The following SLCO1B1 variants were observed in gnomAD, a reference collection of about 807,000 sequenced individuals.
SLCO1B1 encodes the protein solute carrier organic anion transporter family member 1B1.
Under a neutral mutation model 70.1 loss-of-function variants are expected in SLCO1B1, and 81 were observed. The observed-to-expected ratio is 1.16, with a 90% CI of 0.97 to 1.39. The LOEUF (loss-of-function observed/expected upper bound fraction) is 1.39, where lower values mean the gene tolerates loss of function less well. Among genes scored for constraint, SLCO1B1 ranks in the 40% most tolerant of loss-of-function variants. The pLI is 0.00. For synonymous variants in SLCO1B1, 283 were observed against 271.5 expected (o/e 1.04, Z -0.42); for missense variants, 895 against 799.6 (o/e 1.12, Z -1.44).
rs1288383635 is a variant in SLCO1B1, at chr12:21,141,556, T to C, written c.-19T>C. On this transcript the variant is annotated 5_prime_UTR_variant, in exon 2 of 15. It removes an upstream start codon present in the reference 5' UTR. Transcript: ENST00000256958. ...AGCATCAACAACAAAAACATTTGTATGATATCTATATTTCAATCATGGACC... is the reference window on the plus strand; with the variant it reads ...AGCATCAACAACAAAAACATTTGTACGATATCTATATTTCAATCATGGACC... The C allele has an allele frequency of 7.3e-6, 11 of 1,513,904 alleles. No individual in the cohort carries two copies. The highest frequency in any genetic ancestry group is 1.0e-5 in the Non-Finnish European group (11 of 1,090,696). 93.8% of individuals were successfully genotyped at this position (1,513,904 alleles called of 1,614,324 possible).
intron 2 of SLCO1B1, among the ~76,000 whole-genome samples, chr12:21,160,625 C>T (rs1356987949): frequency 6.6e-6 from 1 of 152,092 alleles, no homozygotes; most frequent in Admixed American, 6.5e-5. Flanking sequence ...TGACAAATGA[C>T]ACCGAAAGCA....
chr12:21,228,357 G>A (rs1230708540), intron 14 of SLCO1B1, among the ~76,000 whole-genome samples: 2 of 152,138 alleles, frequency 1.3e-5, no homozygotes, highest in African/African-American at 4.8e-5. Flanking sequence ...TTGTCAGATT[G>A]AAGATATTAC....
chr12:21,183,142 A>T (rs1591812254), intron 7 of SLCO1B1, among the ~76,000 whole-genome samples: 1 of 152,228 alleles, frequency 6.6e-6, no homozygotes, highest in Admixed American at 6.5e-5. Flanking sequence ...GTAACAGCTT[A>T]TCTGCCAGCC....
intron 2 of SLCO1B1, among the ~76,000 whole-genome samples, chr12:21,161,449 A>G (rs1271096780): frequency 6.6e-6 from 1 of 152,162 alleles, no homozygotes; most frequent in African/African-American, 2.4e-5. Context: ...TATAAGTGGG[A>G]GCTAAATGAT....
chr12:21,208,420 T>C (rs192201226), intron 11 of SLCO1B1, among the ~76,000 whole-genome samples: 43 of 152,248 alleles, frequency 2.8e-4, no homozygotes, highest in Admixed American at 4.6e-4. Flanking sequence ...GCTAACTTCA[T>C]TGAAGATCAG....
At chr12:21,229,807 G>T (rs190805889) in intron 14 of SLCO1B1, among the ~76,000 whole-genome samples, 1 of 152,076 alleles carries the variant, frequency 6.6e-6, no homozygotes, top group Non-Finnish European at 1.5e-5. Context: ...ATGTCATATT[G>T]CAAACAAAGA....
At chr12:21,227,638 ATGACT>A (rs1941495220) in intron 14 of SLCO1B1, among the ~76,000 whole-genome samples, 3 of 152,164 alleles carry the variant, frequency 2.0e-5, no homozygotes, top group Non-Finnish European at 4.4e-5. Flanking sequence ...ATTTATCTTA[ATGACT>A]TTATTTAAGA....
chr12:21,236,837 T>C (rs902956647), intron 14 of SLCO1B1, among the ~76,000 whole-genome samples: 1 of 152,210 alleles, frequency 6.6e-6, no homozygotes, highest in African/African-American at 2.4e-5. Context: ...TGGTCAGCCA[T>C]CTTGAAAAGA....
At chr12:21,135,517 C>T (rs561787808) in intron 1 of SLCO1B1, among the ~76,000 whole-genome samples, 22 of 152,158 alleles carry the variant, frequency 1.4e-4, no homozygotes, top group African/African-American at 5.1e-4. Context: ...TCTGGGTGCT[C>T]CTGTATTGGG....
chr12:21,238,235 C>G (rs987124938), intron 14 of SLCO1B1, among the ~76,000 whole-genome samples: 8 of 151,868 alleles, frequency 5.3e-5, no homozygotes, highest in South Asian at 2.1e-4. Context: ...ACTAATAAGC[C>G]CATCAAAGGC....
At chr12:21,188,416 C>T (rs1940987424) in intron 7 of SLCO1B1, among the ~76,000 whole-genome samples, 1 of 152,060 alleles carries the variant, frequency 6.6e-6, no homozygotes, top group Non-Finnish European at 1.5e-5. Context: ...ATTAAGAATA[C>T]TATATATAAT....
chr12:21,213,598 C>G (rs2121171802), intron 11 of SLCO1B1, among the ~76,000 whole-genome samples: 1 of 136,098 alleles, frequency 7.3e-6, no homozygotes, highest in East Asian at 2.3e-4. Context: ...TTTCCTGAAT[C>G]TGAACGTTGG....
chr12:21,175,462 T>A (rs4149039), intron 4 of SLCO1B1, among the ~76,000 whole-genome samples: 47,481 of 152,018 alleles, frequency 0.31, 8,865 homozygotes, highest in African/African-American at 0.51. Flanking sequence ...TTATTCCAAG[T>A]TACCAAGTTC....
chr12:21,174,779 T>C (rs1940799226), intron 4 of SLCO1B1, 70 bp downstream of exon 4: 1 of 1,501,454 alleles, frequency 6.7e-7, no homozygotes, highest in Non-Finnish European at 9.1e-7. Flanking sequence ...TAGAATTTTA[T>C]TATTATCCCT....
At chr12:21,165,553 G>A (rs1940674009) in intron 2 of SLCO1B1, among the ~76,000 whole-genome samples, 2 of 152,112 alleles carry the variant, frequency 1.3e-5, no homozygotes, top group Non-Finnish European at 2.9e-5. Context: ...AAATTTACAA[G>A]AAGTTGTTAT....
At chr12:21,233,571 C>CAAAAA (rs60313934) in intron 14 of SLCO1B1, among the ~76,000 whole-genome samples, 4,773 of 137,430 alleles carry the variant, frequency 0.035, 101 homozygotes, top group Middle Eastern at 0.057. Flanking sequence ...AACAAACAAA[C>CAAAAA]AAAAAAAAAA....
chr12:21,210,055 T>C (rs1441373771), intron 11 of SLCO1B1, among the ~76,000 whole-genome samples: 4 of 147,582 alleles, frequency 2.7e-5, no homozygotes, highest in Non-Finnish European at 4.5e-5. Context: ...CAGAAGCTCT[T>C]TAGTTTAATT....
At chr12:21,181,435 G>C (rs12819994) in intron 7 of SLCO1B1, among the ~76,000 whole-genome samples, 18,243 of 152,130 alleles carry the variant, frequency 0.12, 1,296 homozygotes, top group Non-Finnish European at 0.16. Flanking sequence ...CCTGAAGTCT[G>C]AGTTGTTGAT....
intron 11 of SLCO1B1, 23 bp from the exon 12 acceptor site, chr12:21,217,096 A>G: frequency 1.2e-6 from 2 of 1,605,178 alleles, no homozygotes; most frequent in Non-Finnish European, 8.5e-7. Context: ...TTCTTATGTC[A>G]TATTTTATAC....
Sources: allele counts gnomAD v4.1 joint callset (sites outside exome capture counted in the v4.1 genomes callset), GRCh38; gene constraint gnomAD v4.1.1; transcripts MANE v1.5; gene names NCBI Gene and HGNC (gene_info 2026-07-23, HGNC 2026-07-21).